ADAM22: variants seen among roughly 807,000 people sequenced by gnomAD.
ADAM22 encodes ADAM metallopeptidase domain 22.
In ADAM22, 65 loss-of-function variants were observed where a neutral mutation model predicts 144.6. The ratio of observed to expected loss-of-function variants is 0.45; its 90% CI spans 0.37 to 0.55. The LOEUF (loss-of-function observed/expected upper bound fraction) is 0.55, where lower values mean the gene tolerates loss of function less well. ADAM22 is among the 20% of genes least tolerant of loss of function. ADAM22 has a pLI of 0.00. For synonymous variants in ADAM22, 391 were observed against 412.6 expected (o/e 0.95, Z 0.63); for missense variants, 974 against 1,184.9 (o/e 0.82, Z 2.61).
At chr7:88,073,755 TG>T (rs1468318764) in intron 3 of ADAM22, among the ~76,000 whole-genome samples, 2 of 152,158 alleles carry the variant, frequency 1.3e-5, no homozygotes, top group Non-Finnish European at 2.9e-5. Context: ...TCCCCACTGA[TG>T]GTGTGGTTAC....
At chr7:88,052,689 T>C (rs1007283931) in intron 3 of ADAM22, among the ~76,000 whole-genome samples, 2 of 152,192 alleles carry the variant, frequency 1.3e-5, no homozygotes, top group Non-Finnish European at 2.9e-5. Context: ...TTATCTCTAT[T>C]GTTCCTTCCA....
At chr7:87,988,198 G>A (rs890437246) in intron 3 of ADAM22, among the ~76,000 whole-genome samples, 2 of 152,114 alleles carry the variant, frequency 1.3e-5, no homozygotes, top group African/African-American at 4.8e-5. Flanking sequence ...GAAATGGTCC[G>A]GAAAGCACTG....
chr7:88,108,325 C>T, intron 5 of ADAM22, 67 bp downstream of exon 5: 2 of 1,253,690 alleles, frequency 1.6e-6, no homozygotes, highest in Non-Finnish European at 2.3e-6. Context: ...ATTATGAATG[C>T]ACTATAGTAG....
chr7:88,185,274 C>T (rs1848032638), intron 29 of ADAM22, among the ~76,000 whole-genome samples: 1 of 152,106 alleles, frequency 6.6e-6, no homozygotes, highest in Non-Finnish European at 1.5e-5. Context: ...AGCAACTGAA[C>T]CCTTCTTTCA....
chr7:87,984,200 A>C (rs999179456), intron 3 of ADAM22, among the ~76,000 whole-genome samples: 9 of 152,122 alleles, frequency 5.9e-5, no homozygotes, highest in Admixed American at 6.5e-5. Flanking sequence ...ACTATTTCTG[A>C]GATTAGTCTC....
Position 87,979,411 on chromosome 7 carries a change from T to C in ADAM22, c.323+999T>C, listed in dbSNP as rs1319063297. 3.3e-5 allele frequency among the ~76,000 whole-genome samples: 5 copies of C among 152,168 alleles called. No individual in the cohort carries two copies. In the East Asian group the frequency reaches 9.6e-4, roughly 29 times the overall value. On this transcript the variant is annotated intron_variant, in intron 3 of 31. Transcript: ENST00000413139. ...TCAGTTGCATTAGCCACATTTTAAA[T>C]GCTCAATAACCCTCTCTGCCTTCAC...
At chr7:87,984,842 A>G (rs1854562604) in intron 3 of ADAM22, among the ~76,000 whole-genome samples, 1 of 151,890 alleles carries the variant, frequency 6.6e-6, no homozygotes, top group Non-Finnish European at 1.5e-5. Context: ...CACCACGCCC[A>G]GCTAATTTTT....
intron 2 of ADAM22, among the ~76,000 whole-genome samples, chr7:87,957,322 T>G (rs1262022849): frequency 1.3e-5 from 2 of 152,228 alleles, no homozygotes; most frequent in African/African-American, 4.8e-5. Flanking sequence ...TTGTAAAACT[T>G]TCTTCAGTTT....
chr7:88,107,072 A>G (rs1824583351), intron 4 of ADAM22, among the ~76,000 whole-genome samples: 1 of 152,178 alleles, frequency 6.6e-6, no homozygotes, highest in African/African-American at 2.4e-5. Context: ...GGTAATCAAT[A>G]TAAACACTGT....
rs1234619839 is a variant in ADAM22 at position 88,012,736 on chromosome 7, T to C, written c.323+34324T>C. ...CTATAATTTAATGATTAAATCTCAG[T>C]CTTTTAAGTAGGCTCATCCCTCTGC... On this transcript the variant is annotated intron_variant, in intron 3 of 31. Coordinates refer to ENST00000413139, the MANE Select transcript of ADAM22 (RefSeq NM_001324418.2). Among the ~76,000 whole-genome samples the C allele has an allele frequency of 2.0e-5, 3 of 152,150 alleles. No homozygotes were observed. In the East Asian group the frequency reaches 5.8e-4, roughly 29 times the overall value.
In ADAM22 at chr7:88,096,583, T is replaced by TA. The variant is rs565318233; in HGVS notation, c.391-11587dup. 6.5e-3 allele frequency among the ~76,000 whole-genome samples: 984 copies of TA among 151,510 alleles called. 6 individuals carry two copies. The highest frequency in any genetic ancestry group is 0.022 in the African/African-American group (922 of 41,504). ...TATTTTTAGAAATAATATAATATTT[T>TA]AAAAAATTGTATATTTGGTATTTTA... On this transcript the variant is annotated intron_variant, in intron 4 of 31. Transcript: ENST00000413139.
At chr7:87,950,511 G>T (rs13236721) in intron 2 of ADAM22, among the ~76,000 whole-genome samples, 76,674 of 145,244 alleles carry the variant, frequency 0.53, 20,639 homozygotes, top group African/African-American at 0.56. Context: ...GTGTATATGT[G>T]CCACATTTTC....
chr7:88,033,353 G>T (rs188808853), intron 3 of ADAM22, among the ~76,000 whole-genome samples: 5 of 152,346 alleles, frequency 3.3e-5, no homozygotes. Flanking sequence ...GTTTATCCAG[G>T]CAGAGACTCT....
At chr7:87,948,771 G>T (rs1017613928) in intron 2 of ADAM22, among the ~76,000 whole-genome samples, 95 of 152,232 alleles carry the variant, frequency 6.2e-4, no homozygotes, top group Non-Finnish European at 5.3e-4. Context: ...ATTAAGGAGG[G>T]GATTGGGGCG....
Position 88,199,349 on chromosome 7 carries a change from A to T in ADAM22, c.*2858A>T, listed in dbSNP as rs1246538310. 1.3e-5 allele frequency: 2 copies of T among 152,142 alleles called. No homozygotes were observed. The highest frequency in any genetic ancestry group is 1.3e-4 in the Admixed American group (2 of 15,278). The allele number at this position is 152,142 out of a possible 1,614,324, so 9.4% of individuals were successfully genotyped here. On this transcript the variant is annotated 3_prime_UTR_variant, in exon 32 of 32. Transcript: ENST00000413139. The stretch of plus-strand genomic sequence containing the variant: ...GTTTTATGCATTGATAAGACTACAG[A>T]TTGGCACCCTGCTGCCTGAGAAGTT...
intron 5 of ADAM22, among the ~76,000 whole-genome samples, chr7:88,113,304 A>C (rs962835191): frequency 6.6e-6 from 1 of 151,568 alleles, no homozygotes; most frequent in African/African-American, 2.4e-5. Flanking sequence ...TTGTACCTTC[A>C]AAATATATCT....
In ADAM22 at chr7:88,192,279, T is replaced by C. The variant is rs116186758; in HGVS notation, c.2751-837T>C. On this transcript the variant is annotated intron_variant, in intron 30 of 31. Coordinates refer to ENST00000413139, the MANE Select transcript of ADAM22 (RefSeq NM_001324418.2). ...TTGTGAATGGAATAGCTACTACAGT[T>C]ATCACATCTGTTTTTCATTGATATC... is the stretch of plus-strand genomic sequence containing the variant. Among the ~76,000 whole-genome samples the C allele has an allele frequency of 8.8e-3, 1,342 of 152,356 alleles. 24 individuals are homozygous for C. The highest frequency in any genetic ancestry group is 0.031 in the African/African-American group (1,274 of 41,578).
chr7:87,982,196 GACTTT>G (rs1421662403), intron 3 of ADAM22, among the ~76,000 whole-genome samples: 1 of 151,598 alleles, frequency 6.6e-6, no homozygotes, highest in Non-Finnish European at 1.5e-5. Flanking sequence ...AGGAAACAAA[GACTTT>G]ACTCTTAGGG....
intron 3 of ADAM22, among the ~76,000 whole-genome samples, chr7:88,023,648 C>T (rs1047727959): frequency 2.0e-5 from 3 of 152,096 alleles, no homozygotes; most frequent in South Asian, 2.1e-4. Flanking sequence ...TCAAACACCC[C>T]GCCTACCTCA....
Sources: gnomAD v4.1 joint callset for allele counts (sites outside exome capture counted in the v4.1 genomes callset) on GRCh38, gnomAD v4.1.1 for gene constraint, MANE v1.5 for transcripts, NCBI Gene and HGNC (gene_info 2026-07-23, HGNC 2026-07-21) for gene names.